DST: variants seen among roughly 807,000 people sequenced by gnomAD.
DST encodes bullous pemphigoid antigen.
In DST, 253 loss-of-function variants were observed where a neutral mutation model predicts 875.2. That is an observed-to-expected ratio of 0.29 (90% CI 0.26 to 0.32). The LOEUF (loss-of-function observed/expected upper bound fraction) is 0.32. Ranked by LOEUF, DST falls within the 10% of genes least tolerant of loss-of-function variation. DST has a pLI of 1.00. For missense variants in DST, 8,287 were observed against 9,111.6 expected (o/e 0.91, Z 3.68); for synonymous variants, 3,124 against 3,197.1 (o/e 0.98, Z 0.77).
At chr6:56,830,110 G>A (rs1351140453) in intron 4 of DST, among the ~76,000 whole-genome samples, 2 of 152,094 alleles carry the variant, frequency 1.3e-5, no homozygotes, top group Non-Finnish European at 2.9e-5. Flanking sequence ...TTGAAAAACT[G>A]TGTTTCTGAA....
At chr6:56,528,135 T>C (rs1306008752) in intron 67 of DST, among the ~76,000 whole-genome samples, 1 of 152,242 alleles carries the variant, frequency 6.6e-6, no homozygotes, top group Non-Finnish European at 1.5e-5. Flanking sequence ...TTATTCATCA[T>C]TACTCATCTG....
At chr6:56,631,805 C>A (rs887025555) in intron 29 of DST, 78 bp downstream of exon 29, 1 of 1,369,058 alleles carries the variant, frequency 7.3e-7, no homozygotes, top group African/African-American at 1.4e-5. Context: ...CAAAACTGAA[C>A]ATTAAGAAGT....
Position 56,511,099 on chromosome 6 carries a change from TA to T in DST, c.18780+97del, listed in dbSNP as rs1488211583. The T allele has an allele frequency of 6.6e-6, 7 of 1,066,712 alleles. No homozygotes were observed. In the African/African-American group the frequency reaches 1.1e-4, roughly 17 times the overall value. 66.1% of individuals were successfully genotyped at this position (1,066,712 alleles called of 1,614,324 possible). A position where few individuals can be genotyped will look rare whatever the true frequency, so the allele number is the denominator to read the frequency against. ...ATACTCAAGAGTGAATGTGGTGAAA[TA>T]ATTTTAGTTAAAATTTAATCAGGAA... is the stretch of plus-strand genomic sequence containing the variant. On this transcript the variant is annotated intron_variant, in intron 73 of 103. Transcript: ENST00000680361.
intron 4 of DST, among the ~76,000 whole-genome samples, chr6:56,841,514 A>G (rs2099799968): frequency 6.6e-6 from 1 of 152,218 alleles, no homozygotes; most frequent in East Asian, 1.9e-4. Context: ...ACAAGCTTTT[A>G]AACAATGCCT....
chr6:56,482,753 C>T lies in DST; in HGVS notation c.21332G>A (p.Ser7111Asn). 1 of 1,613,890 alleles carries T rather than the reference C, an allele frequency of 6.2e-7. No individual in the cohort carries two copies. Among genetic ancestry groups the T allele is most frequent in the Non-Finnish European group, 8.5e-7 (1 of 1,179,842 alleles). ...SWVKVQMQELSTRWETVCALS... is the reference protein window; with the variant it reads ...SWVKVQMQELNTRWETVCALS... ...TGCACACACGGTCTCCCAGCGTGTG[C>T]TTAATTCCTGCATCTGGACCTTGAC... The change falls in exon 89 of 104, where the codon AGC (serine) becomes AAC (asparagine). Residue 7111 changes from serine (S) to asparagine (N), a missense_variant. Coordinates refer to ENST00000680361, the MANE Select transcript of DST (RefSeq NM_001374736.1).
In DST at chr6:56,633,185, A is replaced by G. The variant is rs2098795535; in HGVS notation, c.3622-148T>C. 1.0e-5 allele frequency: 7 copies of G among 693,244 alleles called. No homozygotes were observed. The South Asian group carries it at 1.2e-4, about 12-fold the overall frequency. The allele number at this position is 693,244 out of a possible 1,614,324, so 42.9% of individuals were successfully genotyped here. A position where few individuals can be genotyped will look rare whatever the true frequency, so the allele number is the denominator to read the frequency against. On this transcript the variant is annotated intron_variant, in intron 27 of 103. Coordinates refer to ENST00000680361, the MANE Select transcript of DST (RefSeq NM_001374736.1). ...AAATTAACTGTCTTTTTCATTAACA[A>G]TTTTAGGTGGTTTTTTTTTGTTTTT...
Position 56,530,011 on chromosome 6 carries a change from T to C in DST, c.17231A>G (p.Gln5744Arg). Residue 5744 changes from glutamine to arginine, a missense_variant, in exon 65 of 104, where the codon CAA (glutamine) becomes CGA (arginine). This residue lies in a region of DST where 777 missense variants were observed against 764.8 expected (regional missense o/e 1.02). Transcript: ENST00000680361. ...RLVNCEPIGTQASKLEEQIAQ... is the reference protein window; with the variant it reads ...RLVNCEPIGTRASKLEEQIAQ... ...AATTTGTTCCTCAAGTTTAGATGCT[T>C]GGGTTCCTATGGGTTCACAATTCAC... The C allele has an allele frequency of 6.2e-7, 1 of 1,613,624 alleles. No individual in the cohort carries two copies. The highest frequency in any genetic ancestry group is 8.5e-7 in the Non-Finnish European group (1 of 1,179,706).
chr6:56,816,497 TGTAA>T (rs1224020491), intron 4 of DST, among the ~76,000 whole-genome samples: 1 of 152,192 alleles, frequency 6.6e-6, no homozygotes, highest in Non-Finnish European at 1.5e-5. Flanking sequence ...CTGTGGCATG[TGTAA>T]GCACACTTAT....
At chr6:56,618,009 C>T (rs2098645277) in intron 36 of DST, 3 of 1,614,062 alleles carry the variant, frequency 1.9e-6, no homozygotes, top group Non-Finnish European at 2.5e-6. Flanking sequence ...AAAACCTTCA[C>T]CAGTTCCATT....
intron 3 of DST, among the ~76,000 whole-genome samples, chr6:56,855,985 GAACAA>G (rs1210645575): frequency 6.6e-6 from 1 of 152,052 alleles, no homozygotes; most frequent in African/African-American, 2.4e-5. Context: ...AAAACACATT[GAACAA>G]AACAACATTA....
At chr6:56,630,413 T>C (rs1179566189) in intron 30 of DST, 30 bp from the exon 31 acceptor site, 1 of 1,598,014 alleles carries the variant, frequency 6.3e-7, no homozygotes, top group Non-Finnish European at 8.6e-7. Context: ...AATAGCCACC[T>C]ATGGTTAAAT....
chr6:56,615,389 C>T, intron 36 of DST: 1 of 1,531,340 alleles, frequency 6.5e-7, no homozygotes, highest in Non-Finnish European at 8.8e-7. Context: ...TAGCAATTTG[C>T]AGCCCTCAAG....
At chr6:56,494,381 T>C (rs1290126185) in intron 82 of DST, among the ~76,000 whole-genome samples, 1 of 152,096 alleles carries the variant, frequency 6.6e-6, no homozygotes, top group Non-Finnish European at 1.5e-5. Flanking sequence ...CTGGGAAATC[T>C]AAAAAATGGT....
At position 56,894,876 on chromosome 6, in the gene DST, TG is replaced by T. The variant is rs1693052602; in HGVS notation, c.417+5544del. On this transcript the variant is annotated intron_variant, in intron 3 of 103. Coordinates refer to ENST00000680361, the MANE Select transcript of DST (RefSeq NM_001374736.1). The stretch of plus-strand genomic sequence containing the variant: ...GGGGCTGACCCCCCCACCTCCCTCC[TG>T]GGCGGGGCGGCTGGCCGGGCAGAGG... Among the ~76,000 whole-genome samples the T allele has an allele frequency of 5.7e-5, 3 of 52,488 alleles. No individual in the cohort carries two copies. The South Asian group carries it at 2.3e-3, about 40-fold the overall frequency. 34.4% of individuals were successfully genotyped at this position (52,488 alleles called of 152,430 possible). A position where few individuals can be genotyped will look rare whatever the true frequency, so the allele number is the denominator to read the frequency against.
intron 4 of DST, among the ~76,000 whole-genome samples, chr6:56,758,541 G>C (rs549398633): frequency 1.3e-5 from 2 of 152,144 alleles, no homozygotes; most frequent in African/African-American, 4.8e-5. Flanking sequence ...AGGTACAAGG[G>C]GGGCAGGTTG....
chr6:56,576,590 A>G (rs1463603581), intron 50 of DST, among the ~76,000 whole-genome samples: 2 of 152,188 alleles, frequency 1.3e-5, no homozygotes, highest in Non-Finnish European at 2.9e-5. Flanking sequence ...GGAGAAATAC[A>G]CACACATCTG....
At chr6:56,464,262 T>A (rs1022695507) in intron 100 of DST, 4 of 269,106 alleles carry the variant, frequency 1.5e-5, no homozygotes, top group Non-Finnish European at 2.9e-5. Context: ...GGCTTGTTAG[T>A]CATGATGACA....
Position 56,741,385 on chromosome 6 carries a change from TC to T in DST, c.626-6097del, listed in dbSNP as rs528064933. On this transcript the variant is annotated intron_variant, in intron 4 of 103. Transcript: ENST00000680361. ...TAATTCATAAATTCTGATACTGTTT[TC>T]TAACAGGAACAACCTAAACCTCTTC... Among the ~76,000 whole-genome samples the T allele has an allele frequency of 2.3e-4, 35 of 152,336 alleles. No individual in the cohort carries two copies. In the South Asian group the frequency reaches 6.6e-3, roughly 29 times the overall value.
At chr6:56,790,558 C>T (rs192943405) in intron 4 of DST, among the ~76,000 whole-genome samples, 1 of 152,304 alleles carries the variant, frequency 6.6e-6, no homozygotes, top group East Asian at 1.9e-4. Context: ...AGGGAGAAAA[C>T]ACACCTTCTT....
Sources: gnomAD v4.1 joint callset for allele counts (sites outside exome capture counted in the v4.1 genomes callset) on GRCh38, gnomAD v4.1.1 for gene constraint, gnomAD v4.1.1 regional missense constraint, MANE v1.5 for transcripts, NCBI Gene and HGNC (gene_info 2026-07-23, HGNC 2026-07-21) for gene names.